The following KIF26B variants were observed in gnomAD, a reference collection of about 807,000 sequenced individuals.
The protein encoded by KIF26B is kinesin-like protein KIF26B.
Under a neutral mutation model 151.2 loss-of-function variants are expected in KIF26B, and 63 were observed. The ratio of observed to expected loss-of-function variants is 0.42; its 90% CI spans 0.34 to 0.51. The LOEUF is 0.51. KIF26B is among the 20% of genes least tolerant of loss of function. The pLI is 0.07. For missense variants in KIF26B, 2,813 were observed against 2,913.6 expected, an observed-to-expected ratio of 0.97 and a Z score of 0.79; for synonymous variants, 1,357 against 1,262.1, an observed-to-expected ratio of 1.08 and a Z score of -1.59.
intron 3 of KIF26B, among the ~76,000 whole-genome samples, chr1:245,394,451 C>T (rs1673772995): frequency 6.6e-6 from 1 of 151,962 alleles, no homozygotes; most frequent in African/African-American, 2.4e-5. Flanking sequence ...GGTGAAATCC[C>T]ATCTGTACTA....
intron 2 of KIF26B, among the ~76,000 whole-genome samples, chr1:245,304,656 C>T (rs577924894): frequency 1.5e-4 from 23 of 148,776 alleles, no homozygotes; most frequent in Admixed American, 4.6e-4. Flanking sequence ...TATCCATCTG[C>T]CTGTCTGCCT....
At chr1:245,645,690 T>C (rs2043938495) in intron 9 of KIF26B, among the ~76,000 whole-genome samples, 1 of 152,184 alleles carries the variant, frequency 6.6e-6, no homozygotes, top group Non-Finnish European at 1.5e-5. Context: ...GAGCTTTAGG[T>C]TGGTTTCTGT....
intron 3 of KIF26B, among the ~76,000 whole-genome samples, chr1:245,399,758 A>C (rs1188388277): frequency 6.6e-6 from 1 of 152,166 alleles, no homozygotes; most frequent in Non-Finnish European, 1.5e-5. Context: ...CTCCAGAAAA[A>C]CTTGCTTAAG....
intron 3 of KIF26B, among the ~76,000 whole-genome samples, chr1:245,412,902 G>A (rs945544370): frequency 2.6e-5 from 4 of 152,110 alleles, no homozygotes; most frequent in African/African-American, 7.2e-5. Context: ...CACACGTGTC[G>A]ACACCTGCGC....
chr1:245,623,758 T>A (rs973087063), intron 9 of KIF26B, among the ~76,000 whole-genome samples: 1 of 152,210 alleles, frequency 6.6e-6, no homozygotes, highest in African/African-American at 2.4e-5. Context: ...ATAAATGAAT[T>A]TAATGTTTAC....
intron 5 of KIF26B, among the ~76,000 whole-genome samples, chr1:245,582,653 C>T (rs532510328): frequency 6.6e-6 from 1 of 152,174 alleles, no homozygotes; most frequent in African/African-American, 2.4e-5. Flanking sequence ...CGTCTGTCTC[C>T]CCAGGCAGAC....
chr1:245,387,238 C>T (rs561004501), intron 3 of KIF26B, among the ~76,000 whole-genome samples: 4 of 149,572 alleles, frequency 2.7e-5, no homozygotes, highest in Non-Finnish European at 4.4e-5. Context: ...GATCTCTGCT[C>T]GCTGCAACCT....
chr1:245,706,885 G>C lies in KIF26B; in HGVS notation c.*4279G>C, dbSNP rs1007295192. ...TTCAGTGTCACTGATGCAAGTAAAT[G>C]GGTCTCAAATTTTGGTGGGGGCAGT... On this transcript the variant is annotated 3_prime_UTR_variant, in exon 15 of 15. Coordinates refer to ENST00000407071, the MANE Select transcript of KIF26B (RefSeq NM_018012.4). The C allele has an allele frequency of 6.6e-6, 1 of 152,208 alleles. No homozygotes were observed. The highest frequency in any genetic ancestry group is 2.4e-5 in the African/African-American group (1 of 41,442). 9.4% of individuals were successfully genotyped at this position (152,208 alleles called of 1,614,324 possible).
chr1:245,472,393 T>G (rs1659935885), intron 4 of KIF26B, among the ~76,000 whole-genome samples: 1 of 152,240 alleles, frequency 6.6e-6, no homozygotes, highest in Admixed American at 6.5e-5. Context: ...GAAATATCCC[T>G]TATTCAGAAC....
At chr1:245,573,717 T>C (rs1028756484) in intron 5 of KIF26B, among the ~76,000 whole-genome samples, 1 of 152,132 alleles carries the variant, frequency 6.6e-6, no homozygotes, top group Non-Finnish European at 1.5e-5. Flanking sequence ...TATAGAGTAG[T>C]TCCCCCTTAT....
chr1:245,440,204 G>C (rs1659041987), intron 4 of KIF26B, among the ~76,000 whole-genome samples: 1 of 151,256 alleles, frequency 6.6e-6, no homozygotes, highest in Non-Finnish European at 1.5e-5. Context: ...CTGGGCGACA[G>C]AGCCAGACTC....
intron 10 of KIF26B, among the ~76,000 whole-genome samples, chr1:245,666,648 C>T (rs571377651): frequency 1.1e-4 from 17 of 152,182 alleles, no homozygotes; most frequent in East Asian, 7.7e-4. Context: ...AACACATAGG[C>T]GGCTGCTTCC....
chr1:245,623,011 C>G (rs2043681161), intron 9 of KIF26B, among the ~76,000 whole-genome samples: 2 of 143,062 alleles, frequency 1.4e-5, no homozygotes, highest in East Asian at 4.2e-4. Flanking sequence ...CTACTGGCTG[C>G]AGGATCGTGA....
intron 9 of KIF26B, among the ~76,000 whole-genome samples, chr1:245,617,874 G>A (rs2043609608): frequency 6.6e-6 from 1 of 151,990 alleles, no homozygotes; most frequent in African/African-American, 2.4e-5. Flanking sequence ...TGGTTTCATA[G>A]TCTCCTGGTC....
intron 5 of KIF26B, among the ~76,000 whole-genome samples, chr1:245,551,668 C>T (rs79813622): frequency 0.018 from 2,800 of 152,258 alleles, 86 homozygotes; most frequent in African/African-American, 0.063. Context: ...GTTACAAGTA[C>T]AGATGGTGAA....
intron 2 of KIF26B, among the ~76,000 whole-genome samples, chr1:245,160,923 G>C (rs774629994): frequency 2.6e-4 from 40 of 152,206 alleles, no homozygotes; most frequent in Non-Finnish European, 5.1e-4. Context: ...AGCTCCAAAA[G>C]AGGGGTATGG....
chr1:245,446,820 C>T (rs188782994), intron 4 of KIF26B, among the ~76,000 whole-genome samples: 1 of 152,232 alleles, frequency 6.6e-6, no homozygotes, highest in African/African-American at 2.4e-5. Flanking sequence ...GAACTCTGGC[C>T]CCTCTCATTA....
At chr1:245,599,909 G>C (rs116146226) in intron 5 of KIF26B, among the ~76,000 whole-genome samples, 2 of 152,002 alleles carry the variant, frequency 1.3e-5, no homozygotes, top group Non-Finnish European at 2.9e-5. Flanking sequence ...ATTTGACTGT[G>C]TTTTACTAAT....
At chr1:245,327,564 C>G (rs1411574052) in intron 2 of KIF26B, among the ~76,000 whole-genome samples, 1 of 152,216 alleles carries the variant, frequency 6.6e-6, no homozygotes, top group Non-Finnish European at 1.5e-5. Flanking sequence ...TGAGTCCTGA[C>G]TCCCCTGATA....
Sources: allele counts gnomAD v4.1 joint callset (sites outside exome capture counted in the v4.1 genomes callset), GRCh38; gene constraint gnomAD v4.1.1; transcripts MANE v1.5; gene names NCBI Gene and HGNC (gene_info 2026-07-23, HGNC 2026-07-21).